The following HMBOX1 variants were observed in gnomAD, a reference collection of about 807,000 sequenced individuals.
HMBOX1 encodes the protein homeobox containing 1.
HMBOX1 carries 14 observed loss-of-function variants against 54.5 expected under a neutral mutation model. The observed-to-expected ratio is 0.26, with a 90% CI of 0.17 to 0.40. The LOEUF is 0.40. Among genes scored for constraint, HMBOX1 ranks in the 10% least tolerant of loss-of-function variants. HMBOX1 has a pLI of 1.00. For missense variants in HMBOX1, 332 were observed against 514.4 expected (o/e 0.65, Z 3.43); for synonymous variants, 160 against 181.0 (o/e 0.88, Z 0.93).
At chr8:28,956,180 A>G (rs1343818850) in intron 1 of HMBOX1, among the ~76,000 whole-genome samples, 2 of 152,042 alleles carry the variant, frequency 1.3e-5, no homozygotes, top group Non-Finnish European at 2.9e-5. Context: ...TGTCTGTTAA[A>G]TTTTTACTGA....
intron 4 of HMBOX1, among the ~76,000 whole-genome samples, chr8:28,994,398 T>G (rs149018899): frequency 1.3e-5 from 2 of 152,188 alleles, no homozygotes; most frequent in Non-Finnish European, 2.9e-5. Flanking sequence ...TGTTTTTCCA[T>G]TGATTCTTTG....
chr8:29,021,186 T>C (rs1308628590), intron 6 of HMBOX1, among the ~76,000 whole-genome samples: 1 of 152,066 alleles, frequency 6.6e-6, no homozygotes, highest in African/African-American at 2.4e-5. Flanking sequence ...AAAATTAAAA[T>C]GAAATTTTAA....
At chr8:29,043,972 G>A (rs1213098659) in intron 6 of HMBOX1, among the ~76,000 whole-genome samples, 1 of 152,106 alleles carries the variant, frequency 6.6e-6, no homozygotes, top group Non-Finnish European at 1.5e-5. Context: ...GACAAGACTG[G>A]GAGGATATAG....
chr8:29,049,281 A>T (rs1586699833), intron 9 of HMBOX1: 2 of 1,535,482 alleles, frequency 1.3e-6, no homozygotes, highest in Middle Eastern at 1.7e-4. Context: ...ATTTATTGTC[A>T]TACAACAGGA....
chr8:29,029,288 G>GT (rs1802545354), intron 6 of HMBOX1, among the ~76,000 whole-genome samples: 1 of 152,140 alleles, frequency 6.6e-6, no homozygotes, highest in Non-Finnish European at 1.5e-5. Context: ...TGGAGTTAGA[G>GT]ACCCTTTTAA....
chr8:29,010,168 T>G (rs1307781712), intron 5 of HMBOX1: 1 of 970,732 alleles, frequency 1.0e-6, no homozygotes. Context: ...AAAAATCTAT[T>G]CTGACTCCCA....
intron 6 of HMBOX1, among the ~76,000 whole-genome samples, chr8:29,031,763 T>C: frequency 6.6e-6 from 1 of 151,592 alleles, no homozygotes; most frequent in East Asian, 1.9e-4. Flanking sequence ...TGCTGAGGAG[T>C]GTGGAAAGAT....
intron 6 of HMBOX1, among the ~76,000 whole-genome samples, chr8:29,043,119 G>A (rs1805082677): frequency 6.6e-6 from 1 of 152,202 alleles, no homozygotes; most frequent in Admixed American, 6.5e-5. Flanking sequence ...TTAAGGAACA[G>A]ACAAGGGTCT....
At chr8:28,953,338 A>AT (rs1314049234) in intron 1 of HMBOX1, among the ~76,000 whole-genome samples, 1 of 152,160 alleles carries the variant, frequency 6.6e-6, no homozygotes, top group Non-Finnish European at 1.5e-5. Context: ...TTTATTGGTT[A>AT]TTGTTTGAGG....
At chr8:28,966,167 A>G (rs1252759763) in intron 2 of HMBOX1, among the ~76,000 whole-genome samples, 1 of 152,190 alleles carries the variant, frequency 6.6e-6, no homozygotes, top group Non-Finnish European at 1.5e-5. Context: ...AGCTTATGAA[A>G]GTATATTCTA....
chr8:29,033,562 C>T (rs1320337171), intron 6 of HMBOX1, among the ~76,000 whole-genome samples: 1 of 152,150 alleles, frequency 6.6e-6, no homozygotes, highest in African/African-American at 2.4e-5. Flanking sequence ...AATTATACTT[C>T]CTGGTTCCTT....
intron 1 of HMBOX1, among the ~76,000 whole-genome samples, chr8:28,902,592 G>T (rs993129030): frequency 6.6e-6 from 1 of 152,166 alleles, no homozygotes; most frequent in East Asian, 1.9e-4. Flanking sequence ...CCCTGTCTCT[G>T]TGTGGTCTCT....
At chr8:28,994,862 G>A (rs1056604103) in intron 4 of HMBOX1, among the ~76,000 whole-genome samples, 1 of 151,388 alleles carries the variant, frequency 6.6e-6, no homozygotes, top group Non-Finnish European at 1.5e-5. Flanking sequence ...AAAGATGAAA[G>A]CATCTTAGAA....
At chr8:29,030,033 A>C (rs1224096130) in intron 6 of HMBOX1, among the ~76,000 whole-genome samples, 1 of 151,248 alleles carries the variant, frequency 6.6e-6, no homozygotes, top group Admixed American at 6.6e-5. Context: ...ACTTCTGTTT[A>C]TTTCTTTTTC....
At chr8:28,929,553 A>G (rs1005852920) in intron 1 of HMBOX1, among the ~76,000 whole-genome samples, 2 of 152,122 alleles carry the variant, frequency 1.3e-5, no homozygotes, top group African/African-American at 4.8e-5. Flanking sequence ...AAGATACTAA[A>G]ATAGCTTCAA....
chr8:28,939,863 T>C (rs778049206), intron 1 of HMBOX1, among the ~76,000 whole-genome samples: 15 of 152,216 alleles, frequency 9.9e-5, no homozygotes, highest in South Asian at 2.1e-4. Flanking sequence ...TTGCAGTAAG[T>C]TGGGGATCAG....
rs752816636 is a variant in HMBOX1 at position 28,970,360 on chromosome 8, C to A, written c.341C>A (p.Thr114Asn). 3.7e-6 allele frequency: 6 copies of A among 1,614,144 alleles called. No individual in the cohort carries two copies. The East Asian group carries it at 1.3e-4, about 36-fold the overall frequency. The stretch of plus-strand genomic sequence containing the variant: ...GATACTTCCCCACAGCCTTGCACTA[C>A]CAATCAAAATGGGAGGGAGAATAAT... ...SYDTSPQPCT[T>N]NQNGRENNER... The change falls in exon 3 of 10, where the codon ACC becomes AAC. Residue 114 changes from threonine to asparagine, a missense_variant. By Grantham distance (65) the Thr-to-Asn change is moderately conservative (BLOSUM62 0). Around this residue, in one of 4 missense-constraint regions of HMBOX1, gnomAD observed 146 missense variants for 173.3 expected, o/e 0.84. Transcript: ENST00000287701. This position sits in a 1 kb window ranked among gnomAD's most constrained non-coding sequence, Gnocchi z 4.3.
intron 1 of HMBOX1, among the ~76,000 whole-genome samples, chr8:28,908,610 C>T (rs1217106856): frequency 2.0e-5 from 3 of 152,038 alleles, no homozygotes; most frequent in South Asian, 2.1e-4. Flanking sequence ...CAAAAATTAG[C>T]CGGGCATGGT....
At chr8:28,932,733 G>C (rs1431879239) in intron 1 of HMBOX1, among the ~76,000 whole-genome samples, 1 of 152,146 alleles carries the variant, frequency 6.6e-6, no homozygotes, top group Non-Finnish European at 1.5e-5. Context: ...AGTTTGGTTG[G>C]GTTGTTATTC....
Sources: gnomAD v4.1 joint callset for allele counts (sites outside exome capture counted in the v4.1 genomes callset) on GRCh38, gnomAD v4.1.1 for gene constraint, gnomAD v4.1.1 regional missense constraint, Gnocchi (gnomAD v3.1) non-coding constraint, MANE v1.5 for transcripts, NCBI Gene and HGNC (gene_info 2026-07-23, HGNC 2026-07-21) for gene names.